MYO1D: variants seen among roughly 807,000 people sequenced by gnomAD.
MYO1D encodes the protein unconventional myosin-Id.
Under a neutral mutation model 122.0 loss-of-function variants are expected in MYO1D, and 83 were observed. That is an observed-to-expected ratio of 0.68 (90% confidence interval 0.57 to 0.82). MYO1D has a LOEUF of 0.82. Ranked by LOEUF, MYO1D falls within the 40% of genes least tolerant of loss-of-function variation. The pLI, the probability that MYO1D is intolerant of heterozygous loss-of-function variation, is 0.00. For synonymous variants in MYO1D, 464 were observed against 446.9 expected (o/e 1.04, Z -0.48); for missense variants, 1,157 against 1,269.5 (o/e 0.91, Z 1.35).
intron 1 of MYO1D, among the ~76,000 whole-genome samples, chr17:32,869,810 G>GTAGTT (rs1352128855): frequency 6.6e-6 from 1 of 152,114 alleles, no homozygotes; most frequent in African/African-American, 2.4e-5. Context: ...GTGTGCGCCT[G>GTAGTT]TAGTCCCAGC....
At chr17:32,755,721 C>G in intron 10 of MYO1D, 59 bp from the exon 11 acceptor site, 1 of 1,458,686 alleles carries the variant, frequency 6.9e-7, no homozygotes, top group African/African-American at 1.4e-5. Context: ...CAGGTTAAAC[C>G]CTGATGCTCC....
chr17:32,727,569 G>T (rs2089591673), intron 14 of MYO1D: 1 of 152,180 alleles, frequency 6.6e-6, no homozygotes. Context: ...AGGTTAAGCT[G>T]TCAAGGGGAA....
chr17:32,703,759 T>A (rs2089275214), intron 16 of MYO1D, among the ~76,000 whole-genome samples: 1 of 152,244 alleles, frequency 6.6e-6, no homozygotes, highest in Non-Finnish European at 1.5e-5. Flanking sequence ...AAATCTTTGT[T>A]ATGCATTTGG....
In MYO1D at chr17:32,515,220, C is replaced by T. The variant is rs535971569; in HGVS notation, c.2865-20305G>A. Among the ~76,000 whole-genome samples the T allele has an allele frequency of 2.0e-5, 3 of 152,332 alleles. No individual in the cohort carries two copies. The South Asian group carries it at 6.2e-4, about 32-fold the overall frequency. On this transcript the variant is annotated intron_variant, in intron 21 of 21. Coordinates refer to ENST00000318217, the MANE Select transcript of MYO1D (RefSeq NM_015194.3). The stretch of plus-strand genomic sequence containing the variant: ...GCCTCTGTCCCTGACCACGGATATT[C>T]CCCTAAGAAGCAACTATGCCACCTT...
chr17:32,739,278 T>C (rs1384652703), intron 13 of MYO1D, among the ~76,000 whole-genome samples: 1 of 151,088 alleles, frequency 6.6e-6, no homozygotes, highest in Non-Finnish European at 1.5e-5. Flanking sequence ...ATTAAGAAAA[T>C]GTGGCACATA....
At chr17:32,501,531 G>A (rs985956731) in intron 21 of MYO1D, among the ~76,000 whole-genome samples, 1 of 152,090 alleles carries the variant, frequency 6.6e-6, no homozygotes, top group Non-Finnish European at 1.5e-5. Context: ...ATCTCATTTC[G>A]ACACAGTTGT....
At position 32,549,066 on chromosome 17, in the gene MYO1D, AAT is replaced by A. The variant is rs113818571; in HGVS notation, c.2865-54153_2865-54152del. On this transcript the variant is annotated intron_variant, in intron 21 of 21. Transcript: ENST00000318217. ...TATACACATACATTTACACTGAAAA[AAT>A]ATATGTTACACAAAATGCATAATCC... Among the ~76,000 whole-genome samples, 466 of 152,176 alleles carry A rather than the reference AAT, an allele frequency of 3.1e-3. 2 individuals are homozygous for A. Among genetic ancestry groups the A allele is most frequent in the African/African-American group, 9.3e-3 (385 of 41,532 alleles).
chr17:32,788,055 G>A (rs997189816), intron 1 of MYO1D, among the ~76,000 whole-genome samples: 15 of 148,510 alleles, frequency 1.0e-4, no homozygotes, highest in Admixed American at 4.0e-4. Flanking sequence ...TGCTATAAAC[G>A]TGTGTGTGTG....
intron 21 of MYO1D, among the ~76,000 whole-genome samples, chr17:32,539,498 G>T (rs1325733818): frequency 1.3e-5 from 2 of 152,150 alleles, no homozygotes; most frequent in African/African-American, 4.8e-5. Context: ...ATCAAAGTGT[G>T]AGCAGGGCCA....
Position 32,651,334 on chromosome 17 carries a change from C to T in MYO1D, c.2595+2509G>A, listed in dbSNP as rs111992375. Among the ~76,000 whole-genome samples the T allele has an allele frequency of 5.4e-4, 82 of 152,284 alleles. 1 individual carries two copies. Among genetic ancestry groups the T allele is most frequent in the Middle Eastern group, 3.4e-3 (1 of 294 alleles). On this transcript the variant is annotated intron_variant, in intron 19 of 21. Coordinates refer to ENST00000318217, the MANE Select transcript of MYO1D (RefSeq NM_015194.3). Reference sequence around the variant, plus strand: ...ATGTATGTGCTGATCAGTACTCAGACGAACAGTCAAAGTGAACTCTACAGA... The same window carrying T: ...ATGTATGTGCTGATCAGTACTCAGATGAACAGTCAAAGTGAACTCTACAGA...
At chr17:32,806,251 C>A in intron 1 of MYO1D, among the ~76,000 whole-genome samples, 1 of 152,170 alleles carries the variant, frequency 6.6e-6, no homozygotes, top group Admixed American at 6.5e-5. Flanking sequence ...GAGCGAGACT[C>A]TGTCTCAAAA....
chr17:32,520,358 C>T (rs1260668849), intron 21 of MYO1D, among the ~76,000 whole-genome samples: 1 of 152,190 alleles, frequency 6.6e-6, no homozygotes, highest in East Asian at 1.9e-4. Flanking sequence ...GGCCCAGAAA[C>T]ATCCTGTTAG....
intron 21 of MYO1D, among the ~76,000 whole-genome samples, chr17:32,590,182 C>G (rs1238385653): frequency 6.6e-6 from 1 of 152,158 alleles, no homozygotes; most frequent in East Asian, 1.9e-4. Context: ...ACTTATTTTT[C>G]CAGTCTCATT....
intron 21 of MYO1D, among the ~76,000 whole-genome samples, chr17:32,519,977 G>T (rs1462657887): frequency 1.3e-5 from 2 of 151,710 alleles, no homozygotes; most frequent in African/African-American, 4.9e-5. Flanking sequence ...CCGCAGCCAT[G>T]TGAAATAGGA....
chr17:32,713,366 C>T (rs954841899), intron 15 of MYO1D, among the ~76,000 whole-genome samples: 1 of 152,134 alleles, frequency 6.6e-6, no homozygotes, highest in Non-Finnish European at 1.5e-5. Flanking sequence ...TCTGGACTTT[C>T]TGGTCTGTTT....
chr17:32,598,363 G>C lies in MYO1D; in HGVS notation c.2864+6724C>G, dbSNP rs1048822192. On this transcript the variant is annotated intron_variant, in intron 21 of 21. Coordinates refer to ENST00000318217, the MANE Select transcript of MYO1D (RefSeq NM_015194.3). ...CACTCCAGCCTGGGTGACACAGCAA[G>C]ACTCTGTTTCAAAAAAGAAAAAAAA... Among the ~76,000 whole-genome samples the C allele has an allele frequency of 4.6e-5, 7 of 152,206 alleles. No homozygotes were observed. In the East Asian group the frequency reaches 1.3e-3, roughly 29 times the overall value.
chr17:32,640,632 A>G (rs148482445), intron 19 of MYO1D, among the ~76,000 whole-genome samples: 2,338 of 150,844 alleles, frequency 0.015, 54 homozygotes, highest in African/African-American at 0.047. Flanking sequence ...AATTTCATCC[A>G]TGTCCCTACA....
intron 21 of MYO1D, among the ~76,000 whole-genome samples, chr17:32,573,651 A>T (rs1197291164): frequency 6.6e-6 from 1 of 151,462 alleles, no homozygotes; most frequent in African/African-American, 2.4e-5. Context: ...TCCTGAGTAG[A>T]TGGGATGACA....
intron 20 of MYO1D, among the ~76,000 whole-genome samples, chr17:32,628,979 T>C (rs1443805183): frequency 1.3e-5 from 2 of 152,148 alleles, no homozygotes; most frequent in Non-Finnish European, 2.9e-5. Flanking sequence ...GTGGAAGCAA[T>C]CAATAGGTGA....
Sources: allele counts gnomAD v4.1 joint callset (sites outside exome capture counted in the v4.1 genomes callset), GRCh38; gene constraint gnomAD v4.1.1; transcripts MANE v1.5; gene names NCBI Gene and HGNC (gene_info 2026-07-23, HGNC 2026-07-21).